The following SEMA3A variants were observed in gnomAD, a reference collection of about 807,000 sequenced individuals.
SEMA3A encodes semaphorin-3A.
SEMA3A carries 29 observed loss-of-function variants against 97.9 expected under a neutral mutation model. The ratio of observed to expected loss-of-function variants is 0.30; its 90% CI spans 0.22 to 0.40. The LOEUF is 0.40. SEMA3A is among the 10% of genes least tolerant of loss of function. SEMA3A has a pLI of 1.00. For synonymous variants in SEMA3A, 321 were observed against 323.7 expected (o/e 0.99, Z 0.09); for missense variants, 763 against 951.3 (o/e 0.80, Z 2.60).
At chr7:84,419,476 G>A (rs1804527213) in intron 1 of SEMA3A, among the ~76,000 whole-genome samples, 2 of 151,796 alleles carry the variant, frequency 1.3e-5, no homozygotes, top group South Asian at 4.1e-4. Flanking sequence ...GAAAAGCAAT[G>A]GGTATACTTC....
At chr7:84,295,110 C>T (rs1562890151) in intron 3 of SEMA3A, among the ~76,000 whole-genome samples, 1 of 152,144 alleles carries the variant, frequency 6.6e-6, no homozygotes, top group East Asian at 1.9e-4. Flanking sequence ...ACTAACACAT[C>T]TCAGATGTGC....
intron 3 of SEMA3A, among the ~76,000 whole-genome samples, chr7:84,249,368 C>CATCTATCTATCTATCTATCTATCTATCT (rs60537339): frequency 2.1e-5 from 3 of 143,140 alleles, no homozygotes; most frequent in Non-Finnish European, 3.0e-5. Context: ...CTCTGTCTAT[C>CATCTATCTATCTATCTATCTATCTATCT]ATCTATCTAT....
chr7:84,062,669 G>A (rs1248252690), intron 4 of SEMA3A, among the ~76,000 whole-genome samples: 3 of 152,164 alleles, frequency 2.0e-5, no homozygotes, highest in Non-Finnish European at 1.5e-5. Flanking sequence ...GACGGCACCT[G>A]GAAAATCCGG....
At chr7:84,453,391 C>G (rs1227549658) in intron 1 of SEMA3A, among the ~76,000 whole-genome samples, 3 of 151,908 alleles carry the variant, frequency 2.0e-5, no homozygotes, top group African/African-American at 7.3e-5. Flanking sequence ...CGCCCGCCAC[C>G]TCGCCCGGCT....
rs941376081 is a variant in SEMA3A at position 84,099,382 on chromosome 7, T to A, written c.453+11088A>T. On this transcript the variant is annotated intron_variant, in intron 4 of 16. Transcript: ENST00000265362. Reference sequence around the variant, plus strand: ...ACCGCGCCCGGCCTTGAATTTTTTTTAAAAGAAAAGTGCATTTGAATTACT... The same window carrying A: ...ACCGCGCCCGGCCTTGAATTTTTTTAAAAAGAAAAGTGCATTTGAATTACT... 1.4e-4 allele frequency among the ~76,000 whole-genome samples: 22 copies of A among 152,006 alleles called. 1 individual carries two copies. Among genetic ancestry groups the A allele is most frequent in the African/African-American group, 5.3e-4 (22 of 41,432 alleles).
intron 12 of SEMA3A, among the ~76,000 whole-genome samples, chr7:83,987,165 G>C (rs991491028): frequency 6.6e-6 from 1 of 150,938 alleles, no homozygotes. Context: ...TTTGTCCTGT[G>C]AGTTTCTTCA....
intron 13 of SEMA3A, among the ~76,000 whole-genome samples, chr7:83,982,425 T>C (rs554341939): frequency 3.3e-5 from 5 of 152,330 alleles, no homozygotes; most frequent in African/African-American, 7.2e-5. Context: ...TTTAACAAAG[T>C]TGAGCCAATG....
chr7:84,125,988 C>A (rs1292763921), intron 3 of SEMA3A, among the ~76,000 whole-genome samples: 3 of 152,062 alleles, frequency 2.0e-5, no homozygotes, highest in Non-Finnish European at 4.4e-5. Flanking sequence ...AAATTCAGAA[C>A]AATGAAACAC....
At chr7:84,106,019 C>G (rs1795098620) in intron 4 of SEMA3A, among the ~76,000 whole-genome samples, 1 of 152,108 alleles carries the variant, frequency 6.6e-6, no homozygotes, top group Non-Finnish European at 1.5e-5. Context: ...ATTAATAGGT[C>G]TACCAATTCC....
chr7:84,227,172 ATATATC>A (rs1799008455), intron 3 of SEMA3A, among the ~76,000 whole-genome samples: 1 of 151,648 alleles, frequency 6.6e-6, no homozygotes, highest in Non-Finnish European at 1.5e-5. Flanking sequence ...ATATGTATCT[ATATATC>A]TATATCTATA....
At chr7:84,112,783 T>C (rs76687421) in intron 3 of SEMA3A, among the ~76,000 whole-genome samples, 3,070 of 152,326 alleles carry the variant, frequency 0.02, 104 homozygotes, top group African/African-American at 0.07. Context: ...TAATTTTAAT[T>C]TGTTCTCTAT....
chr7:83,995,591 A>AT (rs1237214469), intron 12 of SEMA3A, among the ~76,000 whole-genome samples: 4 of 152,202 alleles, frequency 2.6e-5, no homozygotes, highest in South Asian at 2.1e-4. Context: ...AGCTACGGGG[A>AT]TTTTTTTCTG....
chr7:84,465,271 G>A (rs1447607985), intron 1 of SEMA3A, among the ~76,000 whole-genome samples: 1 of 152,042 alleles, frequency 6.6e-6, no homozygotes, highest in East Asian at 1.9e-4. Flanking sequence ...ACTGGATAAG[G>A]ATTGACTATA....
intron 12 of SEMA3A, 52 bp downstream of exon 12, chr7:84,001,903 G>T: frequency 8.0e-7 from 1 of 1,254,912 alleles, no homozygotes; most frequent in East Asian, 2.3e-5. Context: ...GCTGTCCTGG[G>T]GGAAAGACGT....
intron 15 of SEMA3A, among the ~76,000 whole-genome samples, chr7:83,965,971 GCCC>G (rs1788679851): frequency 6.7e-6 from 1 of 149,866 alleles, no homozygotes; most frequent in South Asian, 2.1e-4. Context: ...GAGCCACCGC[GCCC>G]AGCCACCAAT....
At chr7:84,290,608 A>G (rs184118461) in intron 3 of SEMA3A, among the ~76,000 whole-genome samples, 68 of 152,174 alleles carry the variant, frequency 4.5e-4, no homozygotes, top group Non-Finnish European at 1.0e-4. Context: ...TGGCATGGTA[A>G]GTCCTCTCAC....
At chr7:84,231,837 C>A (rs930426971) in intron 3 of SEMA3A, among the ~76,000 whole-genome samples, 1 of 151,752 alleles carries the variant, frequency 6.6e-6, no homozygotes, top group Admixed American at 6.6e-5. Flanking sequence ...GGGTAGGAAG[C>A]CACTTCAAAG....
At chr7:84,013,195 T>C (rs1790954186) in intron 7 of SEMA3A, among the ~76,000 whole-genome samples, 1 of 152,190 alleles carries the variant, frequency 6.6e-6, no homozygotes, top group Non-Finnish European at 1.5e-5. Context: ...TGCTTTAATA[T>C]GTACTAAGAG....
At chr7:84,369,097 A>G (rs1228863) in intron 2 of SEMA3A, among the ~76,000 whole-genome samples, 6,520 of 151,124 alleles carry the variant, frequency 0.043, 169 homozygotes, top group Middle Eastern at 0.068. Flanking sequence ...ATCCCAGTGG[A>G]AATCAAAAAT....
Sources: allele counts gnomAD v4.1 joint callset (sites outside exome capture counted in the v4.1 genomes callset), GRCh38; gene constraint gnomAD v4.1.1; transcripts MANE v1.5; gene names NCBI Gene and HGNC (gene_info 2026-07-23, HGNC 2026-07-21).